Variants in GSG1L observed in about 807,000 individuals in gnomAD.
The protein encoded by GSG1L is GSG1 like, also known as germ cell-specific gene 1-like protein.
A neutral mutation model predicts 42.1 loss-of-function variants in GSG1L; 24 were observed. The observed-to-expected ratio is 0.57, with a 90% CI of 0.41 to 0.80. The LOEUF (loss-of-function observed/expected upper bound fraction) is 0.80. Among genes scored for constraint, GSG1L ranks in the 30% least tolerant of loss-of-function variants. GSG1L has a pLI of 0.00. For synonymous variants in GSG1L, 215 were observed against 203.5 expected (o/e 1.06, Z -0.48); for missense variants, 445 against 472.2 (o/e 0.94, Z 0.53).
chr16:28,026,592 G>T (rs1258620401), intron 1 of GSG1L, among the ~76,000 whole-genome samples: 1 of 152,186 alleles, frequency 6.6e-6, no homozygotes, highest in Non-Finnish European at 1.5e-5. Context: ...GCTCAGCTGG[G>T]CTCTGCTGGG....
At chr16:28,061,746 C>A (rs1247290310) in intron 1 of GSG1L, among the ~76,000 whole-genome samples, 3 of 152,096 alleles carry the variant, frequency 2.0e-5, no homozygotes, top group East Asian at 3.9e-4. Flanking sequence ...GTGGTGAGAT[C>A]CAAAGATGGA....
At chr16:27,885,800 C>T (rs772701723) in intron 2 of GSG1L, among the ~76,000 whole-genome samples, 1 of 152,190 alleles carries the variant, frequency 6.6e-6, no homozygotes, top group Non-Finnish European at 1.5e-5. Flanking sequence ...TCCTGAAGAC[C>T]ACCTGCACTC....
Position 28,063,126 on chromosome 16 carries a change from T to C in GSG1L, c.299A>G (p.Asn100Ser). The C allele has an allele frequency of 6.9e-7, 1 of 1,439,350 alleles. No individual in the cohort carries two copies. Among genetic ancestry groups the C allele is most frequent in the South Asian group, 1.3e-5 (1 of 75,614 alleles). 89.2% of individuals were successfully genotyped at this position (1,439,350 alleles called of 1,614,324 possible). ...CGAGTACCAGATGCCGGTGTGGAAA[T>C]TCCTGAAGAGGAAGCGGTCGTCGCC... ...ETGDDRFLFRNFHTGIWYSCE... is the reference protein window; with the variant it reads ...ETGDDRFLFRSFHTGIWYSCE... Residue 100 changes from asparagine to serine, a missense_variant, in exon 1 of 7, where the codon AAT becomes AGT. Asn to Ser is a conservative substitution (Grantham distance 46, BLOSUM62 1). Around this residue, in one of 3 missense-constraint regions of GSG1L, gnomAD observed 149 missense variants for 223.3 expected, o/e 0.67. Transcript: ENST00000447459. This position sits in a 1 kb window ranked among gnomAD's most constrained non-coding sequence, Gnocchi z 5.8.
chr16:27,897,962 C>T (rs1482681914), intron 2 of GSG1L, among the ~76,000 whole-genome samples: 1 of 152,218 alleles, frequency 6.6e-6, no homozygotes, highest in Non-Finnish European at 1.5e-5. Context: ...ATGGGCTGGG[C>T]CCAGAAAAAC....
At chr16:28,004,271 G>A (rs943049767) in intron 1 of GSG1L, among the ~76,000 whole-genome samples, 1 of 152,238 alleles carries the variant, frequency 6.6e-6, no homozygotes, top group African/African-American at 2.4e-5. Context: ...ATCCAGGGAT[G>A]CTGGCATCTG....
rs1555499972 is a variant in GSG1L at position 27,789,690 on chromosome 16, T to TAATG, written c.*1679_*1680insCATT. ...AAAGCATAGACAATGAATGGATAGA[T>TAATG]GATGGATGGATGGATGGATGGATGG... is the stretch of plus-strand genomic sequence containing the variant. On this transcript the variant is annotated 3_prime_UTR_variant, in exon 7 of 7. Transcript: ENST00000447459. 1.4e-5 allele frequency: 2 copies of TAATG among 141,994 alleles called. No homozygotes were observed. Among genetic ancestry groups the TAATG allele is most frequent in the East Asian group, 4.5e-4 (2 of 4,480 alleles). The allele number at this position is 141,994 out of a possible 1,614,324, so 8.8% of individuals were successfully genotyped here.
intron 1 of GSG1L, among the ~76,000 whole-genome samples, chr16:27,981,350 A>G (rs993094979): frequency 1.3e-5 from 2 of 152,164 alleles, no homozygotes; most frequent in African/African-American, 4.8e-5. Context: ...AATGAGGCCA[A>G]TGGGGAATGA....
intron 2 of GSG1L, among the ~76,000 whole-genome samples, chr16:27,902,160 C>A (rs2084266186): frequency 6.6e-6 from 1 of 152,252 alleles, no homozygotes. Flanking sequence ...CCGGGAACCA[C>A]ATCTGGCTCT....
intron 1 of GSG1L, among the ~76,000 whole-genome samples, chr16:28,031,917 C>T (rs765890683): frequency 2.6e-5 from 4 of 152,066 alleles, no homozygotes; most frequent in South Asian, 2.1e-4. Flanking sequence ...GCCTTGATGG[C>T]GGAGGGGAAA....
intron 1 of GSG1L, among the ~76,000 whole-genome samples, chr16:28,027,857 C>T (rs187810608): frequency 1.6e-4 from 24 of 152,148 alleles, no homozygotes; most frequent in African/African-American, 5.5e-4. Flanking sequence ...CCTGTCTCTA[C>T]AAAAATAACA....
At chr16:27,909,926 A>G (rs904074288) in intron 2 of GSG1L, among the ~76,000 whole-genome samples, 26 of 151,210 alleles carry the variant, frequency 1.7e-4, no homozygotes, top group Admixed American at 9.2e-4. Flanking sequence ...ATGAGCACAC[A>G]GTAATTAAAT....
intron 2 of GSG1L, among the ~76,000 whole-genome samples, chr16:27,926,514 A>C (rs2084594516): frequency 1.7e-5 from 1 of 59,564 alleles, no homozygotes; most frequent in African/African-American, 5.0e-5. Flanking sequence ...GCTGAAAAAA[A>C]AAAAACAAAA....
chr16:28,048,505 T>C (rs2086189427), intron 1 of GSG1L, among the ~76,000 whole-genome samples: 1 of 152,104 alleles, frequency 6.6e-6, no homozygotes, highest in Admixed American at 6.6e-5. Flanking sequence ...CAAGTGATCT[T>C]CCCACCTCAG....
At chr16:27,920,813 A>G (rs537016972) in intron 2 of GSG1L, among the ~76,000 whole-genome samples, 1 of 152,306 alleles carries the variant, frequency 6.6e-6, no homozygotes, top group Non-Finnish European at 1.5e-5. Flanking sequence ...GCGTGTCCAG[A>G]CAGGGCTGAG....
chr16:27,800,693 T>C (rs2082871746), intron 6 of GSG1L, among the ~76,000 whole-genome samples: 1 of 152,206 alleles, frequency 6.6e-6, no homozygotes, highest in African/African-American at 2.4e-5. Flanking sequence ...ACAGTTAGGA[T>C]AACCAGAAGT....
In GSG1L at chr16:27,816,428, G is replaced by A. The variant is rs118107256; in HGVS notation, c.831-8874C>T. On this transcript the variant is annotated intron_variant, in intron 5 of 6. Transcript: ENST00000447459. Reference sequence around the variant, plus strand: ...ACTTCAGAGCAGGAGCTAAGTGTGAGTAGATGCTGTGGTGCCTAGAAAGAT... The same window carrying A: ...ACTTCAGAGCAGGAGCTAAGTGTGAATAGATGCTGTGGTGCCTAGAAAGAT... 1.5e-3 allele frequency among the ~76,000 whole-genome samples: 225 copies of A among 152,302 alleles called. 8 individuals are homozygous for A. The East Asian group carries it at 0.037, about 25-fold the overall frequency.
chr16:28,002,876 G>A (rs923758424), intron 1 of GSG1L, among the ~76,000 whole-genome samples: 3 of 152,138 alleles, frequency 2.0e-5, no homozygotes, highest in African/African-American at 7.2e-5. Context: ...GGCGGAGCTT[G>A]CAGTGAGCCC....
At chr16:27,863,960 G>A (rs1031296221) in intron 3 of GSG1L, among the ~76,000 whole-genome samples, 3 of 152,172 alleles carry the variant, frequency 2.0e-5, no homozygotes, top group Admixed American at 6.5e-5. Context: ...GGGATCATTT[G>A]GCATTATACA....
intron 2 of GSG1L, among the ~76,000 whole-genome samples, chr16:27,947,812 C>T (rs2084901951): frequency 2.0e-5 from 3 of 152,136 alleles, no homozygotes; most frequent in Non-Finnish European, 4.4e-5. Context: ...TATCTCTGGG[C>T]CTCAATTTCC....
Sources: allele counts gnomAD v4.1 joint callset (sites outside exome capture counted in the v4.1 genomes callset), GRCh38; gene constraint gnomAD v4.1.1; regional missense constraint gnomAD v4.1.1; non-coding constraint Gnocchi (gnomAD v3.1); transcripts MANE v1.5; gene names NCBI Gene and HGNC (gene_info 2026-07-23, HGNC 2026-07-21).